Variants in BLTP1 observed in about 807,000 individuals in gnomAD.
BLTP1 encodes the protein fragile site-associated protein.
At chr4:122,227,053 T>C in the BLTP1 span, 1 of 533,432 alleles carries the variant, frequency 1.9e-6, no homozygotes, top group Non-Finnish European at 2.7e-6. Context: ...AGAAACAGAA[T>C]TATAAAAATT....
At chr4:122,278,857 C>T in the BLTP1 span, among the ~76,000 whole-genome samples, 2 of 152,178 alleles carry the variant, frequency 1.3e-5, no homozygotes, top group African/African-American at 2.4e-5. Flanking sequence ...ATTTCAAACT[C>T]CCGAGCTCAA....
chr4:122,272,109 C>T, the BLTP1 span: 2 of 1,570,662 alleles, frequency 1.3e-6, no homozygotes, highest in South Asian at 1.2e-5. Context: ...AATGTCCTTC[C>T]ATTTTTCAGT....
the BLTP1 span, among the ~76,000 whole-genome samples, chr4:122,260,791 T>A: frequency 1.3e-5 from 2 of 152,008 alleles, no homozygotes; most frequent in Non-Finnish European, 2.9e-5. Flanking sequence ...GCAGCACTAT[T>A]TATAAAAGGA....
At chr4:122,293,206 A>G in the BLTP1 span, 5 of 978,828 alleles carry the variant, frequency 5.1e-6, no homozygotes, top group Non-Finnish European at 6.1e-6. Context: ...GGCCATATTT[A>G]TACTATGAAA....
At chr4:122,257,669 A>T in the BLTP1 span, among the ~76,000 whole-genome samples, 3 of 152,226 alleles carry the variant, frequency 2.0e-5, no homozygotes, top group African/African-American at 7.2e-5. Context: ...ACAGTTACAA[A>T]TAAATTACTA....
the BLTP1 span, chr4:122,293,245 G>A: frequency 1.5e-5 from 13 of 878,398 alleles, no homozygotes; most frequent in African/African-American, 1.8e-5. Flanking sequence ...AAAGTAGGAC[G>A]GTAGAAGCAG....
the BLTP1 span, chr4:122,170,599 CT>C: frequency 1.3e-6 from 2 of 1,488,632 alleles, no homozygotes; most frequent in Non-Finnish European, 1.8e-6. Flanking sequence ...TAAATTTAAC[CT>C]TTGAAATCTT....
chr4:122,356,578 G>A, the BLTP1 span: 40 of 1,596,886 alleles, frequency 2.5e-5, no homozygotes, highest in Non-Finnish European at 3.4e-5. Flanking sequence ...TTATTAATGG[G>A]AAGATGACTC....
the BLTP1 span, chr4:122,175,708 G>T: frequency 5.3e-6 from 3 of 570,246 alleles, no homozygotes; most frequent in African/African-American, 5.8e-5. Context: ...ACGAAAAGAT[G>T]TGTGTTTATG....
the BLTP1 span, among the ~76,000 whole-genome samples, chr4:122,267,294 C>G: frequency 0.24 from 36,419 of 151,476 alleles, 4,769 homozygotes; most frequent in African/African-American, 0.31. Flanking sequence ...CTCCTGACCT[C>G]GTGATCCACC....
At chr4:122,251,288 G>A in the BLTP1 span, 23 of 977,072 alleles carry the variant, frequency 2.4e-5, no homozygotes, top group Middle Eastern at 5.3e-4. Flanking sequence ...GTTCTTAAAC[G>A]TATGTACATA....
chr4:122,235,616 T>C, the BLTP1 span: 16 of 244,514 alleles, frequency 6.5e-5, no homozygotes, highest in African/African-American at 3.0e-4. Context: ...CCATCCTGGC[T>C]AACGTGGTGA....
the BLTP1 span, chr4:122,200,175 A>G: frequency 2.2e-6 from 2 of 915,098 alleles, no homozygotes; most frequent in Non-Finnish European, 2.6e-6. Context: ...TACTATAAAT[A>G]TACCTTAAAG....
At chr4:122,219,276 C>T in the BLTP1 span, 5 of 1,566,302 alleles carry the variant, frequency 3.2e-6, no homozygotes, top group African/African-American at 5.5e-5. Context: ...AATTTAGGCT[C>T]ATAGGTGAAA....
chr4:122,216,942 G>A, the BLTP1 span, among the ~76,000 whole-genome samples: 1 of 152,108 alleles, frequency 6.6e-6, no homozygotes, highest in Non-Finnish European at 1.5e-5. Context: ...TTTTCTATAA[G>A]GTGACAGAAG....
chr4:122,265,227 T>C, the BLTP1 span, among the ~76,000 whole-genome samples: 1 of 152,200 alleles, frequency 6.6e-6, no homozygotes, highest in East Asian at 1.9e-4. Context: ...GTCCCTTATA[T>C]AGAATGGCAT....
chr4:122,255,023 C>T, the BLTP1 span: 12 of 1,499,718 alleles, frequency 8.0e-6, no homozygotes, highest in Non-Finnish European at 1.1e-5. Flanking sequence ...TATTGTTAAT[C>T]ATTATTGGAA....
At chr4:122,339,490 A>G in the BLTP1 span, 2 of 918,996 alleles carry the variant, frequency 2.2e-6, no homozygotes. Context: ...ATTAATACAT[A>G]TTTTAAAATA....
the BLTP1 span, among the ~76,000 whole-genome samples, chr4:122,264,827 G>A: frequency 1.3e-5 from 2 of 152,116 alleles, no homozygotes; most frequent in Non-Finnish European, 2.9e-5. Context: ...TATATGAGTA[G>A]CAAATGTATT....
Sources: gnomAD v4.1 joint callset for allele counts (sites outside exome capture counted in the v4.1 genomes callset) on GRCh38, gnomAD v4.1.1 for gene constraint, MANE v1.5 for transcripts, NCBI Gene and HGNC (gene_info 2026-07-23, HGNC 2026-07-21) for gene names.